The following LIPC variants were observed in gnomAD, a reference collection of about 807,000 sequenced individuals.
The protein encoded by LIPC is hepatic triacylglycerol lipase.
In LIPC, 44 loss-of-function variants were observed where a neutral mutation model predicts 50.7. The observed-to-expected ratio is 0.87, with a 90% CI of 0.68 to 1.11. The LOEUF (loss-of-function observed/expected upper bound fraction) is 1.11, where lower values mean the gene tolerates loss of function less well. LIPC is among the 50% of genes most tolerant of loss of function. LIPC has a pLI of 0.00. For synonymous variants in LIPC, 271 were observed against 256.4 expected (o/e 1.06, Z -0.54); for missense variants, 697 against 648.2 (o/e 1.08, Z -0.82).
chr15:58,527,426 C>A (rs1892828512), intron 1 of LIPC, among the ~76,000 whole-genome samples: 1 of 152,108 alleles, frequency 6.6e-6, no homozygotes, highest in Non-Finnish European at 1.5e-5. Flanking sequence ...TAGAGGTGAC[C>A]ATATTGGCCA....
chr15:58,434,945 G>A lies in LIPC; in HGVS notation c.88+2825G>A, dbSNP rs1023022957. 7 of 152,294 alleles carry A rather than the reference G, an allele frequency of 4.6e-5. No individual in the cohort carries two copies. In the East Asian group the frequency reaches 7.7e-4, roughly 17 times the overall value. 9.4% of individuals were successfully genotyped at this position (152,294 alleles called of 1,614,324 possible). A position where few individuals can be genotyped will look rare whatever the true frequency, so the allele number is the denominator to read the frequency against. Reference sequence around the variant, plus strand: ...AAGCATACATGAGCACCTGCCATACGTAACGCAGTGCCTGAGTACAACTCA... The same window carrying A: ...AAGCATACATGAGCACCTGCCATACATAACGCAGTGCCTGAGTACAACTCA... On this transcript the variant is annotated intron_variant, in intron 1 of 8. Coordinates refer to ENST00000299022, the MANE Select transcript of LIPC (RefSeq NM_000236.3).
chr15:58,455,275 A>G (rs1213240775), intron 1 of LIPC, among the ~76,000 whole-genome samples: 1 of 152,242 alleles, frequency 6.6e-6, no homozygotes, highest in Non-Finnish European at 1.5e-5. Flanking sequence ...GTCTGTTAAA[A>G]CTACTCAACT....
chr15:58,467,764 G>T (rs16940338), intron 1 of LIPC, among the ~76,000 whole-genome samples: 1 of 152,014 alleles, frequency 6.6e-6, no homozygotes, highest in Non-Finnish European at 1.5e-5. Context: ...TCACTGTTGC[G>T]CAGTGGTTTG....
At chr15:58,464,247 A>G (rs538751443) in intron 1 of LIPC, among the ~76,000 whole-genome samples, 1 of 152,110 alleles carries the variant, frequency 6.6e-6, no homozygotes, top group Non-Finnish European at 1.5e-5. Context: ...GTACTCTCAG[A>G]GCCTGGTTTC....
chr15:58,543,225 C>T (rs1202834014), intron 4 of LIPC, among the ~76,000 whole-genome samples: 5 of 152,116 alleles, frequency 3.3e-5, no homozygotes, highest in African/African-American at 1.2e-4. Flanking sequence ...GTGACACCAA[C>T]CCCACCCTTC....
intron 1 of LIPC, among the ~76,000 whole-genome samples, chr15:58,458,268 A>G (rs1354396415): frequency 6.6e-6 from 1 of 152,160 alleles, no homozygotes; most frequent in African/African-American, 2.4e-5. Context: ...CTAAATGTGA[A>G]GTTCACAGAC....
Position 58,545,772 on chromosome 15 carries a change from G to C in LIPC, c.605G>C (p.Gly202Ala), listed in dbSNP as rs1322938025. The C allele has an allele frequency of 1.2e-6, 2 of 1,614,174 alleles. No individual in the cohort carries two copies. The highest frequency in any genetic ancestry group is 1.3e-5 in the African/African-American group (1 of 75,044). The change falls in exon 5 of 9, where the codon GGA (glycine) becomes GCA (alanine). Residue 202 changes from glycine to alanine, a missense_variant. Transcript: ENST00000299022. Reference sequence around the variant, plus strand: ...GATGCCGCGGGACCTTTGTTTGAGGGAAGTGCCCCCAGCAATCGTCTTTCT... The same window carrying C: ...GATGCCGCGGGACCTTTGTTTGAGGCAAGTGCCCCCAGCAATCGTCTTTCT... ...GLDAAGPLFE[G>A]SAPSNRLSPD...
rs532640928 is a variant in LIPC at position 58,494,377 on chromosome 15, G to C, written c.89-43956G>C. Reference sequence around the variant, plus strand: ...AAGGGTGGTTACTCCAGCAGGTACAGAGTATGGTGAGCCCACATGAGGAGG... The same window carrying C: ...AAGGGTGGTTACTCCAGCAGGTACACAGTATGGTGAGCCCACATGAGGAGG... On this transcript the variant is annotated intron_variant, in intron 1 of 8. Transcript: ENST00000299022. Among the ~76,000 whole-genome samples, 98 of 152,358 alleles carry C rather than the reference G, an allele frequency of 6.4e-4. 1 individual carries two copies. In the South Asian group the frequency reaches 0.019, roughly 29 times the overall value.
chr15:58,518,022 G>A (rs1012633807), intron 1 of LIPC, among the ~76,000 whole-genome samples: 9 of 152,218 alleles, frequency 5.9e-5, no homozygotes, highest in African/African-American at 2.2e-4. Flanking sequence ...TATCAGAAAA[G>A]GGAACAGCCA....
chr15:58,550,825 CTTTTTTTTTTTTT>C (rs55943459), intron 6 of LIPC, among the ~76,000 whole-genome samples: 2 of 45,118 alleles, frequency 4.4e-5, no homozygotes, highest in African/African-American at 1.9e-4. Context: ...TTCTTTCTTA[CTTTTTTTTTTTTT>C]TTTTTTTTTT....
intron 1 of LIPC, among the ~76,000 whole-genome samples, chr15:58,481,836 T>C (rs1176357960): frequency 2.6e-5 from 4 of 152,130 alleles, no homozygotes; most frequent in African/African-American, 7.2e-5. Context: ...ATGTATGTAC[T>C]TGTGTAGAAT....
intron 1 of LIPC, among the ~76,000 whole-genome samples, chr15:58,442,895 G>C (rs1373574839): frequency 6.6e-6 from 1 of 152,160 alleles, no homozygotes; most frequent in African/African-American, 2.4e-5. Context: ...TGAGCCTTCA[G>C]AGATATCTCA....
chr15:58,563,350 G>T (rs1894233482), intron 7 of LIPC, among the ~76,000 whole-genome samples, 155 bp from the exon 8 acceptor site: 1 of 152,130 alleles, frequency 6.6e-6, no homozygotes. Flanking sequence ...CACACCTACT[G>T]CTAACTCTAT....
intron 8 of LIPC, 147 bp downstream of exon 8, chr15:58,563,870 A>T (rs1455184329): frequency 2.7e-6 from 2 of 747,636 alleles, no homozygotes; most frequent in African/African-American, 1.7e-5. Flanking sequence ...AGGTGAAGTG[A>T]CTATCCCAAC....
In LIPC at chr15:58,568,109, G is replaced by C. The variant is rs147008875; in HGVS notation, c.1389-607G>C. Among the ~76,000 whole-genome samples the C allele has an allele frequency of 8.0e-3, 1,214 of 152,214 alleles. 10 individuals carry two copies. The highest frequency in any genetic ancestry group is 0.013 in the Non-Finnish European group (904 of 68,012). ...CAATTGGAAATAATAACACAAAATG[G>C]TATCTCGGGCCAAGCCAACAGCCAA... On this transcript the variant is annotated intron_variant, in intron 8 of 8. Coordinates refer to ENST00000299022, the MANE Select transcript of LIPC (RefSeq NM_000236.3).
intron 1 of LIPC, among the ~76,000 whole-genome samples, chr15:58,466,065 A>G (rs531804818): frequency 6.6e-6 from 1 of 152,226 alleles, no homozygotes; most frequent in African/African-American, 2.4e-5. Context: ...TTATGCCTGT[A>G]CTAAACTCAC....
At chr15:58,477,808 C>T (rs1292070714) in intron 1 of LIPC, among the ~76,000 whole-genome samples, 1 of 152,086 alleles carries the variant, frequency 6.6e-6, no homozygotes, top group Non-Finnish European at 1.5e-5. Context: ...GGAAGCCAGG[C>T]CTCAATAGAT....
At chr15:58,547,469 C>T (rs1893576214) in intron 5 of LIPC, among the ~76,000 whole-genome samples, 1 of 152,222 alleles carries the variant, frequency 6.6e-6, no homozygotes, top group Non-Finnish European at 1.5e-5. Context: ...CCAAGGACTG[C>T]AGTGACTAAT....
chr15:58,445,231 G>A (rs1893652719), intron 1 of LIPC, among the ~76,000 whole-genome samples: 2 of 152,374 alleles, frequency 1.3e-5, no homozygotes, highest in South Asian at 4.1e-4. Context: ...TGGCTCATGT[G>A]TGAGTGAGTG....
Sources: allele counts gnomAD v4.1 joint callset (sites outside exome capture counted in the v4.1 genomes callset), GRCh38; gene constraint gnomAD v4.1.1; transcripts MANE v1.5; gene names NCBI Gene and HGNC (gene_info 2026-07-23, HGNC 2026-07-21).